GALNT8: variants seen among roughly 807,000 people sequenced by gnomAD.
GALNT8 encodes probable polypeptide N-acetylgalactosaminyltransferase 8.
In GALNT8, 66 loss-of-function variants were observed where a neutral mutation model predicts 62.7. That is an observed-to-expected ratio of 1.05 (90% CI 0.86 to 1.29). The LOEUF is 1.29. GALNT8 is among the 50% of genes most tolerant of loss of function. GALNT8 has a pLI of 0.00. For missense variants in GALNT8, 771 were observed against 791.8 expected, an observed-to-expected ratio of 0.97 and a Z score of 0.32; for synonymous variants, 288 against 294.3, an observed-to-expected ratio of 0.98 and a Z score of 0.22.
chr12:4,724,103 C>T (rs559614874), intron 1 of GALNT8, among the ~76,000 whole-genome samples: 30 of 129,114 alleles, frequency 2.3e-4, no homozygotes, highest in Non-Finnish European at 2.9e-4. Context: ...GAGCTGAGAT[C>T]GTGCCACTGC....
At chr12:4,750,916 G>A (rs866995530) in intron 6 of GALNT8, among the ~76,000 whole-genome samples, 1 of 152,038 alleles carries the variant, frequency 6.6e-6, no homozygotes, top group Non-Finnish European at 1.5e-5. Flanking sequence ...CATGGTACTA[G>A]TACAAAAACG....
In GALNT8 at chr12:4,772,468, T is replaced by C; in HGVS notation, c.1785T>C (p.Asp595=). 1 of 1,613,738 alleles carries C rather than the reference T, an allele frequency of 6.2e-7. No individual in the cohort carries two copies. Among genetic ancestry groups the C allele is most frequent in the Non-Finnish European group, 8.5e-7 (1 of 1,179,724 alleles). The change falls in exon 11 of 11, where the codon GAT becomes GAC. Residue 595 remains aspartate (D), a synonymous_variant. Transcript: ENST00000252318. ...AGGGAGGAGCTGTCATAAACAGAGA[T>C]ACCAAGCGGTGTCTGGAGATGAAGA... ...FKPGGAVINR[D]TKRCLEMKKD...
chr12:4,768,898 CA>C lies in GALNT8; in HGVS notation c.1761+3356del, dbSNP rs542809981. Among the ~76,000 whole-genome samples the C allele has an allele frequency of 5.4e-3, 825 of 152,198 alleles. 4 individuals are homozygous for C. Among genetic ancestry groups the C allele is most frequent in the African/African-American group, 0.018 (765 of 41,534 alleles). ...CTAAAAAGTTACCAAAGAAATTTTCCAAAATTGAGAGGGAGATGAGACTAGA... is the reference window on the plus strand; with the variant it reads ...CTAAAAAGTTACCAAAGAAATTTTCCAAATTGAGAGGGAGATGAGACTAGA... On this transcript the variant is annotated intron_variant, in intron 10 of 10. Transcript: ENST00000252318.
Position 4,732,977 on chromosome 12 carries a change from T to C in GALNT8, c.509+6148T>C, listed in dbSNP as rs867702692. Among the ~76,000 whole-genome samples the C allele has an allele frequency of 1.2e-3, 141 of 114,164 alleles. No homozygotes were observed. The Middle Eastern group carries it at 0.023, about 19-fold the overall frequency. The allele number at this position is 114,164 out of a possible 152,430, so 74.9% of individuals were successfully genotyped here. On this transcript the variant is annotated intron_variant, in intron 2 of 10. Coordinates refer to ENST00000252318, the MANE Select transcript of GALNT8 (RefSeq NM_017417.2). ...CATGGCTACTTAAATGTAAATTAAT[T>C]AAAATTATTTGCTTGAGGTGGTACA...
At chr12:4,737,605 C>T (rs1469570692) in intron 2 of GALNT8, among the ~76,000 whole-genome samples, 1 of 152,170 alleles carries the variant, frequency 6.6e-6, no homozygotes, top group Admixed American at 6.5e-5. Flanking sequence ...TTGTGATAGC[C>T]TAACTGCTGT....
rs750085240 is a variant in GALNT8, at chr12:4,720,820, A to C, written c.143A>C (p.His48Pro). 6.2e-7 allele frequency: 1 copy of C among 1,612,030 alleles called. No homozygotes were observed. Residue 48 changes from histidine (H) to proline (P), a missense_variant, in exon 1 of 11, where the codon CAT (histidine) becomes CCT (proline). By Grantham distance (77) the His-to-Pro change is moderately conservative (BLOSUM62 -2). Coordinates refer to ENST00000252318, the MANE Select transcript of GALNT8 (RefSeq NM_017417.2). ...GGTCTCCACAGGGAGCTTCCTTTACATCTGAATAAACGCTACGGGGCAGTG... is the reference window on the plus strand; with the variant it reads ...GGTCTCCACAGGGAGCTTCCTTTACCTCTGAATAAACGCTACGGGGCAGTG... Reference protein sequence around the residue: ...TGGLHRELPLHLNKRYGAVIK... With the variant: ...TGGLHRELPLPLNKRYGAVIK...
At chr12:4,723,052 A>G (rs926051329) in intron 1 of GALNT8, among the ~76,000 whole-genome samples, 1 of 152,180 alleles carries the variant, frequency 6.6e-6, no homozygotes, top group Non-Finnish European at 1.5e-5. Context: ...AGGCACCCAT[A>G]GCACCTTCCA....
At position 4,763,945 on chromosome 12, in the gene GALNT8, C is replaced by T. The variant is rs754816300; in HGVS notation, c.1498-7C>T. The T allele has an allele frequency of 1.4e-6, 2 of 1,446,122 alleles. No individual in the cohort carries two copies. The highest frequency in any genetic ancestry group is 1.1e-5 in the South Asian group (1 of 88,248). The allele number at this position is 1,446,122 out of a possible 1,614,324, so 89.6% of individuals were successfully genotyped here. On this transcript the variant is annotated splice_region_variant and splice_polypyrimidine_tract_variant and intron_variant, in intron 8 of 10. Coordinates refer to ENST00000252318, the MANE Select transcript of GALNT8 (RefSeq NM_017417.2). Reference sequence around the variant, plus strand: ...AACAGTGTTGCCGTGTGTTTTGTCCCCTTCAGATGAAAAACCTATTGGATG... The same window carrying T: ...AACAGTGTTGCCGTGTGTTTTGTCCTCTTCAGATGAAAAACCTATTGGATG...
intron 2 of GALNT8, among the ~76,000 whole-genome samples, chr12:4,731,853 A>G (rs1946223447): frequency 6.6e-6 from 1 of 152,202 alleles, no homozygotes; most frequent in African/African-American, 2.4e-5. Flanking sequence ...TCATCATGCC[A>G]TGTTGGCCAG....
At chr12:4,768,990 C>A (rs1454931456) in intron 10 of GALNT8, among the ~76,000 whole-genome samples, 3 of 152,254 alleles carry the variant, frequency 2.0e-5, no homozygotes, top group African/African-American at 7.2e-5. Flanking sequence ...GGCTATGACC[C>A]TTGTGACTCA....
At chr12:4,738,483 T>C (rs1036135601) in intron 2 of GALNT8, among the ~76,000 whole-genome samples, 7 of 152,264 alleles carry the variant, frequency 4.6e-5, no homozygotes, top group South Asian at 4.1e-4. Context: ...AGACTGCCCA[T>C]GGAGTGGGAG....
chr12:4,764,192 A>G (rs2137543828), intron 9 of GALNT8, 145 bp downstream of exon 9: 1 of 658,608 alleles, frequency 1.5e-6, no homozygotes, highest in East Asian at 2.6e-5. Context: ...CCAGACCTGC[A>G]CTTGTAACTG....
chr12:4,739,046 G>GTT (rs1243948805), intron 2 of GALNT8, 117 bp from the exon 3 acceptor site: 4 of 570,722 alleles, frequency 7.0e-6, no homozygotes, highest in Non-Finnish European at 1.2e-5. Context: ...TTTCCAGTGA[G>GTT]TTTGAGGGGT....
intron 2 of GALNT8, among the ~76,000 whole-genome samples, chr12:4,728,020 T>G (rs1481652556): frequency 2.0e-5 from 3 of 152,206 alleles, no homozygotes; most frequent in Non-Finnish European, 4.4e-5. Flanking sequence ...ACATACTCAC[T>G]AACATTTGTT....
chr12:4,761,975 C>G (rs1233646685), intron 7 of GALNT8, among the ~76,000 whole-genome samples: 1 of 152,136 alleles, frequency 6.6e-6, no homozygotes, highest in Non-Finnish European at 1.5e-5. Context: ...TGGAAGGACT[C>G]CTAGGGTCAG....
chr12:4,771,427 G>T (rs985196974), intron 10 of GALNT8, among the ~76,000 whole-genome samples: 6 of 152,156 alleles, frequency 3.9e-5, no homozygotes, highest in Admixed American at 2.6e-4. Context: ...CAAATTTTGG[G>T]GGGAGCAAGG....
chr12:4,725,000 A>C (rs139988387), intron 1 of GALNT8, among the ~76,000 whole-genome samples: 1 of 152,278 alleles, frequency 6.6e-6, no homozygotes, highest in African/African-American at 2.4e-5. Flanking sequence ...CTGAGTTGCA[A>C]TCATTCAGAA....
At position 4,720,527 on chromosome 12, in the gene GALNT8, G is replaced by A; in HGVS notation, c.-151G>A. On this transcript the variant is annotated 5_prime_UTR_variant, in exon 1 of 11. Coordinates refer to ENST00000252318, the MANE Select transcript of GALNT8 (RefSeq NM_017417.2). Reference sequence around the variant, plus strand: ...ACTTTGCTCCTCAGAGGCCACCCGTGGCTTCCCATGGGTGTCTCACACAGG... The same window carrying A: ...ACTTTGCTCCTCAGAGGCCACCCGTAGCTTCCCATGGGTGTCTCACACAGG... 1.6e-6 allele frequency: 1 copy of A among 627,628 alleles called. No homozygotes were observed. Among genetic ancestry groups the A allele is most frequent in the Non-Finnish European group, 2.9e-6 (1 of 349,080 alleles). The allele number at this position is 627,628 out of a possible 1,614,324, so 38.9% of individuals were successfully genotyped here.
intron 2 of GALNT8, among the ~76,000 whole-genome samples, chr12:4,737,205 T>G (rs1946249440): frequency 6.6e-6 from 1 of 152,122 alleles, no homozygotes; most frequent in Non-Finnish European, 1.5e-5. Flanking sequence ...TTTAGAGAAG[T>G]GACATGGCAG....
Sources: allele counts gnomAD v4.1 joint callset (sites outside exome capture counted in the v4.1 genomes callset), GRCh38; gene constraint gnomAD v4.1.1; transcripts MANE v1.5; gene names NCBI Gene and HGNC (gene_info 2026-07-23, HGNC 2026-07-21).